GALNT10: variants seen among roughly 807,000 people sequenced by gnomAD.
The protein encoded by GALNT10 is polypeptide N-acetylgalactosaminyltransferase 10, also known as GalNAc transferase 10.
In GALNT10, 41 loss-of-function variants were observed where a neutral mutation model predicts 75.0. The observed-to-expected ratio is 0.55, with a 90% CI of 0.43 to 0.71. GALNT10 has a LOEUF of 0.71. Ranked by LOEUF, GALNT10 falls within the 30% of genes least tolerant of loss-of-function variation. The pLI is 0.00. For missense variants in GALNT10, 727 were observed against 818.5 expected, an observed-to-expected ratio of 0.89 and a Z score of 1.36; for synonymous variants, 302 against 313.0, an observed-to-expected ratio of 0.96 and a Z score of 0.37.
At chr5:154,384,953 C>T (rs1218012763) in intron 6 of GALNT10, among the ~76,000 whole-genome samples, 1 of 152,156 alleles carries the variant, frequency 6.6e-6, no homozygotes, top group Non-Finnish European at 1.5e-5. Context: ...CGTACAGCAC[C>T]CGGCATATTC....
chr5:154,345,415 C>G (rs1430326363), intron 4 of GALNT10, among the ~76,000 whole-genome samples: 1 of 152,092 alleles, frequency 6.6e-6, no homozygotes, highest in Non-Finnish European at 1.5e-5. Flanking sequence ...CATCTTTGAA[C>G]TGAAAGTTTG....
At position 154,352,738 on chromosome 5, in the gene GALNT10, C is replaced by T. The variant is rs953048165; in HGVS notation, c.568+23000C>T. Reference sequence around the variant, plus strand: ...AGCTGCATGTTTGTTCATGCAGAGGCCCATTTAGTAGTGTGTGATGCTACA... The same window carrying T: ...AGCTGCATGTTTGTTCATGCAGAGGTCCATTTAGTAGTGTGTGATGCTACA... On this transcript the variant is annotated intron_variant, in intron 4 of 11. Transcript: ENST00000297107. The surrounding 1 kb of genome is among the most constrained non-coding windows in gnomAD (Gnocchi z 4.4). Among the ~76,000 whole-genome samples the T allele has an allele frequency of 1.3e-5, 2 of 152,150 alleles. No homozygotes were observed. Among genetic ancestry groups the T allele is most frequent in the African/African-American group, 4.8e-5 (2 of 41,410 alleles).
In GALNT10 at chr5:154,326,745, G is replaced by A. The variant is rs958325015; in HGVS notation, c.402-2827G>A. 2.0e-5 allele frequency among the ~76,000 whole-genome samples: 3 copies of A among 152,172 alleles called. No homozygotes were observed. The South Asian group carries it at 6.2e-4, about 32-fold the overall frequency. ...GATTGCTAGCAGCTAGCTGGCAGGA[G>A]GGGAAGATGGGGAATGACCGCTAGT... On this transcript the variant is annotated intron_variant, in intron 3 of 11. Coordinates refer to ENST00000297107, the MANE Select transcript of GALNT10 (RefSeq NM_198321.4).
At chr5:154,283,394 G>A (rs78226031) in intron 1 of GALNT10, among the ~76,000 whole-genome samples, 1 of 152,006 alleles carries the variant, frequency 6.6e-6, no homozygotes, top group East Asian at 1.9e-4. Flanking sequence ...GGCTGGAGCT[G>A]CAGTGAGCTA....
In GALNT10 at chr5:154,198,631, G is replaced by A. The variant is rs577770603; in HGVS notation, c.159+7606G>A. ...TTGGTACCCCTCTTCCTGAAACTTC[G>A]GAATGCGAAGCAATTGTTGGGGATG... On this transcript the variant is annotated intron_variant, in intron 1 of 11. Transcript: ENST00000297107. Among the ~76,000 whole-genome samples, 11 of 152,298 alleles carry A rather than the reference G, an allele frequency of 7.2e-5. No individual in the cohort carries two copies. In the South Asian group the frequency reaches 1.2e-3, roughly 17 times the overall value.
rs184552680 is a variant in GALNT10 at position 154,293,166 on chromosome 5, G to A, written c.160-1650G>A. 6.9e-4 allele frequency among the ~76,000 whole-genome samples: 105 copies of A among 152,274 alleles called. 1 individual carries two copies. The highest frequency in any genetic ancestry group is 2.4e-3 in the African/African-American group (101 of 41,554). ...TCAGCCAGAGGCTTAATAAACAAGC[G>A]CAGGGACGATTTTATTCAGGGGGCT... On this transcript the variant is annotated intron_variant, in intron 1 of 11. Transcript: ENST00000297107.
intron 5 of GALNT10, among the ~76,000 whole-genome samples, chr5:154,379,607 C>T (rs1312172004): frequency 1.3e-5 from 2 of 152,204 alleles, no homozygotes; most frequent in African/African-American, 2.4e-5. Context: ...GTCAGGGCTT[C>T]TTGGCACAAA....
chr5:154,395,029 C>A (rs1440556815), intron 7 of GALNT10, among the ~76,000 whole-genome samples: 2 of 152,218 alleles, frequency 1.3e-5, no homozygotes, highest in Non-Finnish European at 2.9e-5. Context: ...CTGCTTCTCC[C>A]ACCACTCCTC....
At chr5:154,200,974 TTTTTTG>T (rs1228341247) in intron 1 of GALNT10, among the ~76,000 whole-genome samples, 1 of 152,082 alleles carries the variant, frequency 6.6e-6, no homozygotes, top group Non-Finnish European at 1.5e-5. Context: ...AATTTCTGTT[TTTTTTG>T]TTTTTGTTTT....
chr5:154,191,765 C>T (rs758520057), intron 1 of GALNT10, among the ~76,000 whole-genome samples: 4 of 152,250 alleles, frequency 2.6e-5, no homozygotes, highest in African/African-American at 7.2e-5. Context: ...GTCCCAGAGG[C>T]TATTGGTGCC....
Position 154,298,031 on chromosome 5 carries a change from G to A in GALNT10, c.353G>A (p.Ser118Asn). The change falls in exon 3 of 12, where the codon AGT (serine) becomes AAT (asparagine). Residue 118 changes from serine to asparagine, a missense_variant. Coordinates refer to ENST00000297107, the MANE Select transcript of GALNT10 (RefSeq NM_198321.4). This position sits in a 1 kb window ranked among gnomAD's most constrained non-coding sequence, Gnocchi z 4.1. The stretch of plus-strand genomic sequence containing the variant: ...GAAAATGGATTTAACATCTACGTCA[G>A]TGATAAAATCTCCTTGAATCGCTCT... ...YRENGFNIYVSDKISLNRSLP... is the reference protein window; with the variant it reads ...YRENGFNIYVNDKISLNRSLP... 3 of 1,613,436 alleles carry A rather than the reference G, an allele frequency of 1.9e-6. No homozygotes were observed. Among genetic ancestry groups the A allele is most frequent in the Non-Finnish European group, 2.5e-6 (3 of 1,179,386 alleles).
chr5:154,291,092 G>T (rs1754187865), intron 1 of GALNT10, among the ~76,000 whole-genome samples: 1 of 152,178 alleles, frequency 6.6e-6, no homozygotes, highest in African/African-American at 2.4e-5. Flanking sequence ...AGGCAGTGGA[G>T]TTAGGTATGA....
intron 3 of GALNT10, among the ~76,000 whole-genome samples, chr5:154,321,526 T>C (rs907467360): frequency 2.0e-5 from 3 of 152,124 alleles, no homozygotes; most frequent in African/African-American, 7.2e-5. Flanking sequence ...GGTCTCACTA[T>C]ATTGCTTAGG....
chr5:154,316,777 G>A (rs1754599421), intron 3 of GALNT10, among the ~76,000 whole-genome samples: 1 of 152,196 alleles, frequency 6.6e-6, no homozygotes, highest in African/African-American at 2.4e-5. Context: ...AAATGAGAAT[G>A]TTTTGAGTCA....
chr5:154,277,005 C>T (rs1753962905), intron 1 of GALNT10, among the ~76,000 whole-genome samples: 1 of 152,166 alleles, frequency 6.6e-6, no homozygotes, highest in Non-Finnish European at 1.5e-5. Context: ...TTTGATTCCT[C>T]CTTACCATAA....
At chr5:154,335,302 C>T (rs1441798363) in intron 4 of GALNT10, among the ~76,000 whole-genome samples, 1 of 152,128 alleles carries the variant, frequency 6.6e-6, no homozygotes, top group Non-Finnish European at 1.5e-5. Context: ...AGGCTTCCCT[C>T]GACAGCTCCA....
intron 1 of GALNT10, among the ~76,000 whole-genome samples, chr5:154,229,199 T>A (rs529812840): frequency 8.5e-5 from 13 of 152,312 alleles, no homozygotes; most frequent in Non-Finnish European, 1.9e-4. Flanking sequence ...TACATTGTGG[T>A]ATTATCACCA....
chr5:154,323,824 C>A (rs139316988), intron 3 of GALNT10, among the ~76,000 whole-genome samples: 1 of 152,238 alleles, frequency 6.6e-6, no homozygotes, highest in Non-Finnish European at 1.5e-5. Flanking sequence ...GCTACCACCC[C>A]CTACGATGTT....
chr5:154,209,618 C>T (rs1775164012), intron 1 of GALNT10, among the ~76,000 whole-genome samples: 1 of 152,202 alleles, frequency 6.6e-6, no homozygotes, highest in African/African-American at 2.4e-5. Context: ...CCTCATGTGG[C>T]AGAGAGCAGA....
Sources: gnomAD v4.1 joint callset for allele counts (sites outside exome capture counted in the v4.1 genomes callset) on GRCh38, gnomAD v4.1.1 for gene constraint, Gnocchi (gnomAD v3.1) non-coding constraint, MANE v1.5 for transcripts, NCBI Gene and HGNC (gene_info 2026-07-23, HGNC 2026-07-21) for gene names.